Variants in EDN1 observed in about 807,000 individuals in gnomAD.
EDN1 encodes the protein endothelin 1.
EDN1 carries 11 observed loss-of-function variants against 21.7 expected under a neutral mutation model. The ratio of observed to expected loss-of-function variants is 0.51; its 90% CI spans 0.32 to 0.84. The LOEUF (loss-of-function observed/expected upper bound fraction) is 0.84, where lower values mean the gene tolerates loss of function less well. EDN1 is among the 40% of genes least tolerant of loss of function. EDN1 has a pLI of 0.03. For missense variants in EDN1, 244 were observed against 262.3 expected (o/e 0.93, Z 0.48); for synonymous variants, 85 against 90.6 (o/e 0.94, Z 0.35).
At chr6:12,287,753 C>T (rs576957728), upstream of EDN1, among the ~76,000 whole-genome samples, 1,338 of 57,854 alleles carry the variant, frequency 0.023, 19 homozygotes, top group African/African-American at 0.073. Flanking sequence ...CACACACACA[C>T]AGGCGCGCGC....
the EDN1 span, among the ~76,000 whole-genome samples, chr6:12,242,345 T>A: frequency 2.7e-4 from 41 of 151,152 alleles, no homozygotes; most frequent in East Asian, 3.9e-4. Context: ...ACCCAGTAAT[T>A]GTGTGGACTA....
At chr6:12,276,609 G>T in the EDN1 span, among the ~76,000 whole-genome samples, 2 of 152,216 alleles carry the variant, frequency 1.3e-5, no homozygotes, top group Non-Finnish European at 2.9e-5. Flanking sequence ...GCCAGACAAG[G>T]CTTCATAAAT....
At chr6:12,235,114 TA>T in the EDN1 span, among the ~76,000 whole-genome samples, 1 of 152,206 alleles carries the variant, frequency 6.6e-6, no homozygotes, top group Non-Finnish European at 1.5e-5. Flanking sequence ...GTTCCAGTGA[TA>T]CCATAAGTGT....
At chr6:12,246,287 G>A in the EDN1 span, among the ~76,000 whole-genome samples, 6 of 152,072 alleles carry the variant, frequency 3.9e-5, no homozygotes, top group Non-Finnish European at 5.9e-5. Flanking sequence ...TCCACAGCCC[G>A]CCTCTTAGGG....
At chr6:12,247,402 G>C in the EDN1 span, among the ~76,000 whole-genome samples, 1 of 152,058 alleles carries the variant, frequency 6.6e-6, no homozygotes, top group Non-Finnish European at 1.5e-5. Context: ...AATCCTGCTG[G>C]TCTCGGAAAT....
the EDN1 span, among the ~76,000 whole-genome samples, chr6:12,255,157 C>T: frequency 6.6e-6 from 1 of 152,088 alleles, no homozygotes; most frequent in East Asian, 1.9e-4. Flanking sequence ...ATAACAAACA[C>T]AAAACTCTTG....
chr6:12,287,675 C>G (rs865952176), upstream of EDN1, among the ~76,000 whole-genome samples: 1 of 139,362 alleles, frequency 7.2e-6, no homozygotes, highest in East Asian at 2.1e-4. Flanking sequence ...CTTCTCCTAT[C>G]TCTCTCTCTC....
chr6:12,252,458 A>G, the EDN1 span, among the ~76,000 whole-genome samples: 1 of 152,226 alleles, frequency 6.6e-6, no homozygotes, highest in East Asian at 1.9e-4. Flanking sequence ...TTAACTGTCC[A>G]ATATAAAAAG....
chr6:12,233,393 G>A, the EDN1 span, among the ~76,000 whole-genome samples: 3 of 152,180 alleles, frequency 2.0e-5, no homozygotes, highest in East Asian at 1.9e-4. Flanking sequence ...AAATTATCTA[G>A]TCTACCCGCC....
At chr6:12,269,544 A>G in the EDN1 span, among the ~76,000 whole-genome samples, 1 of 152,078 alleles carries the variant, frequency 6.6e-6, no homozygotes, top group African/African-American at 2.4e-5. Context: ...GTTGAATTTC[A>G]TCAAATGCTT....
At chr6:12,259,359 A>G in the EDN1 span, among the ~76,000 whole-genome samples, 14 of 151,254 alleles carry the variant, frequency 9.3e-5, no homozygotes, top group African/African-American at 3.4e-4. Context: ...AGAGATTTAA[A>G]GTAAGATTTA....
At chr6:12,232,194 TTATAA>T in the EDN1 span, among the ~76,000 whole-genome samples, 19 of 146,176 alleles carry the variant, frequency 1.3e-4, no homozygotes, top group East Asian at 9.9e-4. Flanking sequence ...TATATTATAT[TTATAA>T]TATAATATAA....
At chr6:12,260,125 A>G in the EDN1 span, among the ~76,000 whole-genome samples, 2 of 152,124 alleles carry the variant, frequency 1.3e-5, no homozygotes, top group Non-Finnish European at 2.9e-5. Context: ...AGACAAATAT[A>G]TAAAAAACTC....
the EDN1 span, among the ~76,000 whole-genome samples, chr6:12,264,293 T>A: frequency 2.0e-5 from 3 of 152,200 alleles, no homozygotes; most frequent in East Asian, 5.8e-4. Flanking sequence ...CTACAATAAC[T>A]GTATAGACAT....
In EDN1 at chr6:12,296,508, G is replaced by A; in HGVS notation, c.*441G>A. 3.8e-5 allele frequency: 6 copies of A among 156,890 alleles called. No homozygotes were observed. Among genetic ancestry groups the A allele is most frequent in the South Asian group, 1.9e-4 (1 of 5,336 alleles). The allele number at this position is 156,890 out of a possible 1,614,324, so 9.7% of individuals were successfully genotyped here. On this transcript the variant is annotated 3_prime_UTR_variant, in exon 5 of 5. Coordinates refer to ENST00000379375, the MANE Select transcript of EDN1 (RefSeq NM_001955.5). ...AGATTTTCTAAGGAATGCACAAATT[G>A]AAAACACACTCAAAAGACAAACATG...
the EDN1 span, among the ~76,000 whole-genome samples, chr6:12,265,912 G>C: frequency 2.0e-5 from 3 of 152,224 alleles, no homozygotes; most frequent in African/African-American, 4.8e-5. Flanking sequence ...ATGGTGCAAG[G>C]CTACCCTGGT....
the EDN1 span, among the ~76,000 whole-genome samples, chr6:12,281,246 G>A: frequency 6.6e-6 from 1 of 152,172 alleles, no homozygotes; most frequent in Non-Finnish European, 1.5e-5. Flanking sequence ...TCAACATTCA[G>A]TAATAGAACT....
the EDN1 span, among the ~76,000 whole-genome samples, chr6:12,241,818 T>C: frequency 6.6e-6 from 1 of 152,322 alleles, no homozygotes; most frequent in African/African-American, 2.4e-5. Context: ...CTTCAGTAAC[T>C]TTTGCAAATT....
At chr6:12,281,790 G>A in the EDN1 span, among the ~76,000 whole-genome samples, 8 of 152,288 alleles carry the variant, frequency 5.3e-5, no homozygotes, top group African/African-American at 1.9e-4. Flanking sequence ...TCCAAAGGTT[G>A]TTGCTGTTTT....
Sources: allele counts gnomAD v4.1 joint callset (sites outside exome capture counted in the v4.1 genomes callset), GRCh38; gene constraint gnomAD v4.1.1; transcripts MANE v1.5; gene names NCBI Gene and HGNC (gene_info 2026-07-23, HGNC 2026-07-21).